Variants in ZDHHC14 observed in about 807,000 individuals in gnomAD.
ZDHHC14 encodes zDHHC palmitoyltransferase 14.
In ZDHHC14, 16 loss-of-function variants were observed where a neutral mutation model predicts 47.7. The ratio of observed to expected loss-of-function variants is 0.34; its 90% CI spans 0.23 to 0.51. The LOEUF is 0.51. Ranked by LOEUF, ZDHHC14 falls within the 20% of genes least tolerant of loss-of-function variation. The probability of loss-of-function intolerance (pLI) is 0.97; values close to 1 mark genes in which losing one functional copy is unlikely to be tolerated. For synonymous variants in ZDHHC14, 293 were observed against 278.9 expected, an observed-to-expected ratio of 1.05 and a Z score of -0.50; for missense variants, 515 against 662.5, an observed-to-expected ratio of 0.78 and a Z score of 2.44.
intron 8 of ZDHHC14, among the ~76,000 whole-genome samples, chr6:157,657,524 C>T (rs950729100): frequency 4.6e-5 from 7 of 152,188 alleles, no homozygotes; most frequent in African/African-American, 1.7e-4. Context: ...AGTCTAGGCT[C>T]AGGCACATGA....
At chr6:157,579,387 A>G (rs1333929647) in intron 2 of ZDHHC14, among the ~76,000 whole-genome samples, 3 of 151,884 alleles carry the variant, frequency 2.0e-5, no homozygotes, top group Non-Finnish European at 4.4e-5. Flanking sequence ...TTAGTAGACA[A>G]GGGGTTTCAC....
At chr6:157,473,597 C>T (rs923854810) in intron 1 of ZDHHC14, among the ~76,000 whole-genome samples, 1 of 152,080 alleles carries the variant, frequency 6.6e-6, no homozygotes, top group Non-Finnish European at 1.5e-5. Context: ...TTTTGGAATA[C>T]TTACATTATT....
rs561957622 is a variant in ZDHHC14, at chr6:157,381,828, A to G, written c.-194A>G. On this transcript the variant is annotated 5_prime_UTR_variant, in exon 1 of 9. It removes an upstream start codon present in the reference 5' UTR. Coordinates refer to ENST00000359775, the MANE Select transcript of ZDHHC14 (RefSeq NM_024630.3). ...CCCCTCACGGAGCGGGGATTCTGCT[A>G]TGACAGTTGGGCTCCCCGGAGGGTT... 81 of 219,796 alleles carry G rather than the reference A, an allele frequency of 3.7e-4. No homozygotes were observed. Among genetic ancestry groups the G allele is most frequent in the African/African-American group, 1.5e-3 (65 of 42,058 alleles). 13.6% of individuals were successfully genotyped at this position (219,796 alleles called of 1,614,324 possible).
At chr6:157,431,588 C>T (rs962986430) in intron 1 of ZDHHC14, among the ~76,000 whole-genome samples, 12 of 152,116 alleles carry the variant, frequency 7.9e-5, no homozygotes, top group Non-Finnish European at 1.8e-4. Context: ...TAGTGTGGGT[C>T]ATATTGAAAT....
chr6:157,394,689 G>A (rs919114436), intron 1 of ZDHHC14, among the ~76,000 whole-genome samples: 2 of 152,144 alleles, frequency 1.3e-5, no homozygotes, highest in Non-Finnish European at 2.9e-5. Context: ...CAGTTCCTGC[G>A]GCGCTCTGCC....
At chr6:157,424,911 G>A (rs1778185908) in intron 1 of ZDHHC14, among the ~76,000 whole-genome samples, 1 of 151,998 alleles carries the variant, frequency 6.6e-6, no homozygotes, top group Non-Finnish European at 1.5e-5. Context: ...AGGTGTCCTA[G>A]GTCACCCGCC....
At chr6:157,532,685 G>A (rs1781405923) in intron 1 of ZDHHC14, among the ~76,000 whole-genome samples, 1 of 152,226 alleles carries the variant, frequency 6.6e-6, no homozygotes, top group Non-Finnish European at 1.5e-5. Flanking sequence ...CCAGAGCTGA[G>A]ATAGGAGATA....
chr6:157,598,994 T>TA, intron 3 of ZDHHC14, among the ~76,000 whole-genome samples: 1 of 152,350 alleles, frequency 6.6e-6, no homozygotes, highest in Admixed American at 6.5e-5. Context: ...AAAAAAACTT[T>TA]AAAAAACTTT....
chr6:157,537,031 G>T lies in ZDHHC14; in HGVS notation c.246-5554G>T, dbSNP rs576138453. Among the ~76,000 whole-genome samples the T allele has an allele frequency of 1.3e-4, 8 of 59,522 alleles. 2 individuals carry two copies. The South Asian group carries it at 4.9e-3, about 36-fold the overall frequency. 39.0% of individuals were successfully genotyped at this position (59,522 alleles called of 152,430 possible). A position where few individuals can be genotyped will look rare whatever the true frequency, so the allele number is the denominator to read the frequency against. On this transcript the variant is annotated intron_variant, in intron 1 of 8. Transcript: ENST00000359775. ...GACGGGGTTTCACCGTTTTAGCCGG[G>T]ATGGTCTCGATCTCCTGACCTCGTG...
intron 1 of ZDHHC14, among the ~76,000 whole-genome samples, chr6:157,480,158 G>A (rs1779587658): frequency 6.6e-6 from 1 of 152,072 alleles, no homozygotes; most frequent in Non-Finnish European, 1.5e-5. Context: ...CTGGGGAAGG[G>A]GAGTGTTTCA....
Position 157,461,487 on chromosome 6 carries a change from G to A in ZDHHC14, c.245+79221G>A, listed in dbSNP as rs567077090. On this transcript the variant is annotated intron_variant, in intron 1 of 8. Transcript: ENST00000359775. ...TGAACGCATTGTACGTGTACAGTCCGTTACGGCCCAGCCCCATCACTCATG... is the reference window on the plus strand; with the variant it reads ...TGAACGCATTGTACGTGTACAGTCCATTACGGCCCAGCCCCATCACTCATG... Among the ~76,000 whole-genome samples the A allele has an allele frequency of 8.5e-5, 13 of 152,280 alleles. 1 individual carries two copies. The highest frequency in any genetic ancestry group is 1.6e-4 in the Non-Finnish European group (11 of 68,032).
intron 1 of ZDHHC14, among the ~76,000 whole-genome samples, chr6:157,466,835 CA>C (rs775157353): frequency 4.7e-4 from 71 of 150,528 alleles, no homozygotes; most frequent in Admixed American, 1.4e-3. Context: ...GACTCTTTCT[CA>C]AAAAACAAAA....
intron 1 of ZDHHC14, among the ~76,000 whole-genome samples, chr6:157,477,645 T>A (rs1779526095): frequency 6.6e-6 from 1 of 152,192 alleles, no homozygotes; most frequent in Non-Finnish European, 1.5e-5. Flanking sequence ...AAAAACTCAT[T>A]TGGCTAAACA....
chr6:157,447,503 A>G (rs1778704682), intron 1 of ZDHHC14, among the ~76,000 whole-genome samples: 1 of 151,918 alleles, frequency 6.6e-6, no homozygotes, highest in Non-Finnish European at 1.5e-5. Flanking sequence ...AGGGTCGGGG[A>G]CTGTATGGAA....
chr6:157,650,190 C>T (rs1777759622), intron 7 of ZDHHC14, among the ~76,000 whole-genome samples: 1 of 152,182 alleles, frequency 6.6e-6, no homozygotes, highest in Admixed American at 6.5e-5. Context: ...CGTGGGCCGC[C>T]CAAGAGTAGG....
At position 157,502,910 on chromosome 6, in the gene ZDHHC14, C is replaced by A. The variant is rs781668935; in HGVS notation, c.246-39675C>A. Reference sequence around the variant, plus strand: ...TTTACCATGTTGCCCAGGCTGGTCTCGAACTCCTGTCCTCAAGTGATCAAC... The same window carrying A: ...TTTACCATGTTGCCCAGGCTGGTCTAGAACTCCTGTCCTCAAGTGATCAAC... On this transcript the variant is annotated intron_variant, in intron 1 of 8. Coordinates refer to ENST00000359775, the MANE Select transcript of ZDHHC14 (RefSeq NM_024630.3). The surrounding 1 kb of genome is among the most constrained non-coding windows in gnomAD (Gnocchi z 4.0). Among the ~76,000 whole-genome samples, 22 of 152,214 alleles carry A rather than the reference C, an allele frequency of 1.4e-4. No individual in the cohort carries two copies. The highest frequency in any genetic ancestry group is 3.9e-4 in the Admixed American group (6 of 15,286).
chr6:157,496,000 C>T (rs959412166), intron 1 of ZDHHC14, among the ~76,000 whole-genome samples: 6 of 152,206 alleles, frequency 3.9e-5, no homozygotes, highest in South Asian at 2.1e-4. Context: ...CCACTGCACC[C>T]GGCCTTGGGT....
intron 6 of ZDHHC14, 140 bp downstream of exon 6, chr6:157,645,979 G>A (rs1213525401): frequency 1.5e-5 from 10 of 664,776 alleles, no homozygotes; most frequent in East Asian, 1.5e-4. Context: ...AGACGGTGCC[G>A]TGGAAACTTC....
chr6:157,462,866 C>A (rs898063425), intron 1 of ZDHHC14, among the ~76,000 whole-genome samples: 4 of 152,220 alleles, frequency 2.6e-5, no homozygotes, highest in Non-Finnish European at 5.9e-5. Flanking sequence ...TGAAGTTACC[C>A]ATTAAGGGGG....
Sources: gnomAD v4.1 joint callset for allele counts (sites outside exome capture counted in the v4.1 genomes callset) on GRCh38, gnomAD v4.1.1 for gene constraint, Gnocchi (gnomAD v3.1) non-coding constraint, MANE v1.5 for transcripts, NCBI Gene and HGNC (gene_info 2026-07-23, HGNC 2026-07-21) for gene names.